The following XYLT1 variants were observed in gnomAD, a reference collection of about 807,000 sequenced individuals.
XYLT1 encodes the protein xylosyltransferase 1.
A neutral mutation model predicts 91.3 loss-of-function variants in XYLT1; 36 were observed. The observed-to-expected ratio is 0.39, with a 90% CI of 0.30 to 0.52. The LOEUF (loss-of-function observed/expected upper bound fraction) is 0.52. XYLT1 is among the 20% of genes least tolerant of loss of function. XYLT1 has a pLI of 0.68. For missense variants in XYLT1, 1,242 were observed against 1,284.5 expected (o/e 0.97, Z 0.51); for synonymous variants, 588 against 532.0 (o/e 1.11, Z -1.45).
At chr16:17,458,764 C>T (rs191431915) in intron 1 of XYLT1, among the ~76,000 whole-genome samples, 101 of 152,250 alleles carry the variant, frequency 6.6e-4, no homozygotes, top group Non-Finnish European at 1.1e-3. Flanking sequence ...TGTTAACCCA[C>T]TTCTTCTTAC....
At chr16:17,379,665 A>G (rs1232176237) in intron 1 of XYLT1, among the ~76,000 whole-genome samples, 1 of 151,422 alleles carries the variant, frequency 6.6e-6, no homozygotes, top group African/African-American at 2.4e-5. Context: ...GCCTCATGTT[A>G]TCCTAGAGAA....
At chr16:17,273,773 G>A (rs905186607) in intron 2 of XYLT1, among the ~76,000 whole-genome samples, 8 of 150,580 alleles carry the variant, frequency 5.3e-5, no homozygotes, top group Non-Finnish European at 8.9e-5. Flanking sequence ...GAACCCGGGA[G>A]GCAGAGGTTG....
intron 1 of XYLT1, among the ~76,000 whole-genome samples, chr16:17,409,226 T>C (rs2036074609): frequency 6.6e-6 from 1 of 152,170 alleles, no homozygotes; most frequent in Non-Finnish European, 1.5e-5. Context: ...TGAAGTTTAC[T>C]GGAAAGCAGA....
intron 3 of XYLT1, among the ~76,000 whole-genome samples, chr16:17,254,873 C>T (rs1027001501): frequency 1.3e-5 from 2 of 152,174 alleles, no homozygotes; most frequent in Non-Finnish European, 2.9e-5. Context: ...GCACCCCTAA[C>T]CCCAGAATTC....
intron 2 of XYLT1, among the ~76,000 whole-genome samples, chr16:17,276,477 A>G (rs2033977366): frequency 6.6e-6 from 1 of 152,206 alleles, no homozygotes; most frequent in African/African-American, 2.4e-5. Context: ...GCTGTTCACA[A>G]GATGGAATGT....
intron 3 of XYLT1, among the ~76,000 whole-genome samples, chr16:17,248,616 C>G (rs1443720492): frequency 1.3e-5 from 2 of 152,144 alleles, no homozygotes; most frequent in African/African-American, 4.8e-5. Flanking sequence ...GCACACGATA[C>G]TCCCTTGACC....
intron 6 of XYLT1, among the ~76,000 whole-genome samples, chr16:17,143,798 A>G (rs552073233): frequency 4.1e-4 from 34 of 82,626 alleles, no homozygotes; most frequent in African/African-American, 1.8e-3. Flanking sequence ...CACCATCATC[A>G]TCACAATTTC....
intron 2 of XYLT1, among the ~76,000 whole-genome samples, chr16:17,313,740 G>T (rs565614256): frequency 6.6e-6 from 1 of 151,684 alleles, no homozygotes; most frequent in East Asian, 1.9e-4. Flanking sequence ...GAGTGGTTCT[G>T]CCCAGACATG....
chr16:17,265,961 G>A (rs920273952), intron 2 of XYLT1, among the ~76,000 whole-genome samples: 4 of 152,096 alleles, frequency 2.6e-5, no homozygotes, highest in Non-Finnish European at 5.9e-5. Flanking sequence ...GATGTGTCCC[G>A]AATGTGTGTT....
intron 3 of XYLT1, among the ~76,000 whole-genome samples, chr16:17,257,162 G>A (rs763393294): frequency 1.3e-5 from 2 of 152,188 alleles, no homozygotes; most frequent in African/African-American, 2.4e-5. Flanking sequence ...GGGACAGCTG[G>A]GCTGGCCTTG....
intron 2 of XYLT1, among the ~76,000 whole-genome samples, chr16:17,325,185 G>A (rs1043389762): frequency 6.6e-6 from 1 of 152,128 alleles, no homozygotes. Context: ...ATTGCCTGAG[G>A]TCAGGAGTTC....
At chr16:17,274,693 T>A (rs2033946046) in intron 2 of XYLT1, among the ~76,000 whole-genome samples, 1 of 152,044 alleles carries the variant, frequency 6.6e-6, no homozygotes, top group Non-Finnish European at 1.5e-5. Flanking sequence ...TTTTCCAGCC[T>A]CATCTTGAGA....
intron 2 of XYLT1, among the ~76,000 whole-genome samples, chr16:17,336,025 C>T (rs1195173987): frequency 6.6e-6 from 1 of 152,160 alleles, no homozygotes; most frequent in Non-Finnish European, 1.5e-5. Context: ...GAGACCTACG[C>T]TTTGCCTGGC....
At chr16:17,141,097 C>A in intron 7 of XYLT1, 56 bp downstream of exon 7, 1 of 1,560,962 alleles carries the variant, frequency 6.4e-7, no homozygotes, top group South Asian at 1.2e-5. Context: ...TCTGCTTTGC[C>A]ACAAAGGCTA....
At chr16:17,194,603 C>A (rs919193100) in intron 5 of XYLT1, among the ~76,000 whole-genome samples, 5 of 152,218 alleles carry the variant, frequency 3.3e-5, no homozygotes, top group Non-Finnish European at 7.3e-5. Context: ...AGCCACTACT[C>A]CACCCCGCCA....
At chr16:17,143,678 C>G (rs973129724) in intron 6 of XYLT1, among the ~76,000 whole-genome samples, 89 of 152,314 alleles carry the variant, frequency 5.8e-4, no homozygotes, top group Non-Finnish European at 1.3e-4. Flanking sequence ...CCAAAAGCTA[C>G]TCTCTCAGTC....
intron 2 of XYLT1, among the ~76,000 whole-genome samples, chr16:17,283,697 C>A (rs2034092140): frequency 6.6e-6 from 1 of 152,212 alleles, no homozygotes; most frequent in African/African-American, 2.4e-5. Context: ...GCAACCACAA[C>A]TCATTTCCTT....
intron 1 of XYLT1, among the ~76,000 whole-genome samples, chr16:17,374,718 CAAAAAAAATCAATCTAGGTTAG>C: frequency 6.7e-6 from 1 of 149,882 alleles, no homozygotes; most frequent in Non-Finnish European, 1.5e-5. Flanking sequence ...AATAGAAGGA[CAAAAAAAATCAATCTAGGTTAG>C]AAAACATCAA....
chr16:17,166,655 G>A (rs1261794994), intron 5 of XYLT1, among the ~76,000 whole-genome samples: 2 of 151,650 alleles, frequency 1.3e-5, no homozygotes, highest in Non-Finnish European at 2.9e-5. Flanking sequence ...GGAATTATAG[G>A]CGTGCACCAC....
Sources: gnomAD v4.1 joint callset for allele counts (sites outside exome capture counted in the v4.1 genomes callset) on GRCh38, gnomAD v4.1.1 for gene constraint, MANE v1.5 for transcripts, NCBI Gene and HGNC (gene_info 2026-07-23, HGNC 2026-07-21) for gene names.